Variants in ASAP1 observed in about 807,000 individuals in gnomAD.
ASAP1 encodes ArfGAP with SH3 domain, ankyrin repeat and PH domain 1.
In ASAP1, 43 loss-of-function variants were observed where a neutral mutation model predicts 145.2. The ratio of observed to expected loss-of-function variants is 0.30; its 90% CI spans 0.23 to 0.38. The LOEUF is 0.38. Among genes scored for constraint, ASAP1 ranks in the 10% least tolerant of loss-of-function variants. The pLI is 1.00. For missense variants in ASAP1, 1,018 were observed against 1,355.3 expected (o/e 0.75, Z 3.91); for synonymous variants, 546 against 515.5 (o/e 1.06, Z -0.80).
At chr8:130,131,410 T>C (rs2097582771) in intron 15 of ASAP1, among the ~76,000 whole-genome samples, 2 of 151,978 alleles carry the variant, frequency 1.3e-5, no homozygotes, top group Admixed American at 1.3e-4. Flanking sequence ...GCTTTCTTTG[T>C]GGACTGCCAT....
At chr8:130,095,672 G>A (rs1174112493) in intron 24 of ASAP1, among the ~76,000 whole-genome samples, 1 of 150,776 alleles carries the variant, frequency 6.6e-6, no homozygotes, top group East Asian at 1.9e-4. Flanking sequence ...AGGTTGGAGT[G>A]CAGTGGTGTA....
intron 5 of ASAP1, among the ~76,000 whole-genome samples, chr8:130,206,357 AAAG>A (rs1175412289): frequency 1.3e-5 from 2 of 152,182 alleles, no homozygotes; most frequent in African/African-American, 4.8e-5. Flanking sequence ...TTAACATTTC[AAAG>A]AAGAACTTGA....
chr8:130,256,778 TA>T, intron 3 of ASAP1, among the ~76,000 whole-genome samples: 1 of 129,776 alleles, frequency 7.7e-6, no homozygotes, highest in East Asian at 2.2e-4. Context: ...TATATATATA[TA>T]TATCCTTATA....
chr8:130,066,536 T>G (rs2097431062), intron 27 of ASAP1, among the ~76,000 whole-genome samples: 1 of 152,146 alleles, frequency 6.6e-6, no homozygotes, highest in South Asian at 2.1e-4. Flanking sequence ...TTTCTTCCTT[T>G]CCTTCCCTTT....
Position 130,187,387 on chromosome 8 carries a change from A to C in ASAP1, c.481-102T>G, listed in dbSNP as rs1408131262. The C allele has an allele frequency of 3.2e-6, 3 of 948,730 alleles. No individual in the cohort carries two copies. The Admixed American group carries it at 7.2e-5, about 23-fold the overall frequency. The allele number at this position is 948,730 out of a possible 1,614,324, so 58.8% of individuals were successfully genotyped here. On this transcript the variant is annotated intron_variant, in intron 6 of 29. Coordinates refer to ENST00000518721, the MANE Select transcript of ASAP1 (RefSeq NM_018482.4). ...TAGCAAGAATTGTTTCCTTTATAGG[A>C]CACTGGGAACTTCACTTTATGCACG...
intron 3 of ASAP1, among the ~76,000 whole-genome samples, chr8:130,245,721 C>G (rs1468202875): frequency 6.6e-6 from 1 of 152,162 alleles, no homozygotes; most frequent in Non-Finnish European, 1.5e-5. Flanking sequence ...AAATATCTGT[C>G]AAATAAATCT....
chr8:130,260,609 A>T (rs763316594), intron 3 of ASAP1, among the ~76,000 whole-genome samples: 3 of 152,118 alleles, frequency 2.0e-5, no homozygotes, highest in Non-Finnish European at 4.4e-5. Context: ...CTCTATTGAG[A>T]TGTAACTGGA....
intron 1 of ASAP1, among the ~76,000 whole-genome samples, chr8:130,434,766 T>C (rs1425912927): frequency 6.6e-6 from 1 of 152,136 alleles, no homozygotes; most frequent in Non-Finnish European, 1.5e-5. Flanking sequence ...AACGGCTCTC[T>C]GTGACGGCTC....
At position 130,153,354 on chromosome 8, in the gene ASAP1, TATATGTATATATATATATATATATATATA is replaced by T. The variant is rs1204771589; in HGVS notation, c.1011-578_1011-550del. On this transcript the variant is annotated intron_variant, in intron 12 of 29. Coordinates refer to ENST00000518721, the MANE Select transcript of ASAP1 (RefSeq NM_018482.4). Reference sequence around the variant, plus strand: ...TTAAATATATATATATATATATATATATATGTATATATATATATATATATATATATTTTGAGACAGGGTCTTGCTCTGAC... The same window carrying T: ...TTAAATATATATATATATATATATATTTTTGAGACAGGGTCTTGCTCTGAC... 2.5e-4 allele frequency among the ~76,000 whole-genome samples: 12 copies of T among 48,216 alleles called. 1 individual carries two copies. The East Asian group carries it at 0.016, about 64-fold the overall frequency. The allele number at this position is 48,216 out of a possible 152,430, so 31.6% of individuals were successfully genotyped here.
At chr8:130,378,567 T>G (rs1366048853) in intron 2 of ASAP1, among the ~76,000 whole-genome samples, 1 of 152,194 alleles carries the variant, frequency 6.6e-6, no homozygotes, top group Non-Finnish European at 1.5e-5. Flanking sequence ...GGATTGGAGC[T>G]GAGGTCAGAC....
At chr8:130,125,316 G>C (rs190873111) in intron 17 of ASAP1, among the ~76,000 whole-genome samples, 1 of 152,072 alleles carries the variant, frequency 6.6e-6, no homozygotes, top group Non-Finnish European at 1.5e-5. Flanking sequence ...GGTATATCTC[G>C]GGGAGCAATT....
chr8:130,335,232 T>C (rs1320961688), intron 3 of ASAP1, among the ~76,000 whole-genome samples: 1 of 152,220 alleles, frequency 6.6e-6, no homozygotes, highest in Non-Finnish European at 1.5e-5. Flanking sequence ...TTTATCACCA[T>C]GAGGATGACC....
chr8:130,282,532 A>G (rs996480768), intron 3 of ASAP1, among the ~76,000 whole-genome samples: 1 of 152,200 alleles, frequency 6.6e-6, no homozygotes, highest in Non-Finnish European at 1.5e-5. Flanking sequence ...ATTATTAATC[A>G]TGATGTGTGA....
intron 3 of ASAP1, among the ~76,000 whole-genome samples, chr8:130,266,053 A>T (rs999361550): frequency 6.6e-6 from 1 of 152,146 alleles, no homozygotes; most frequent in African/African-American, 2.4e-5. Context: ...ACACTCTTGC[A>T]GAGACAGCAA....
intron 9 of ASAP1, among the ~76,000 whole-genome samples, chr8:130,169,423 A>G (rs1176153635): frequency 1.3e-5 from 2 of 152,212 alleles, no homozygotes; most frequent in Admixed American, 1.3e-4. Context: ...TTGAATTTGA[A>G]GGAGAGAGAA....
chr8:130,265,560 GAAACCCTGTCTTTAAAAAAAAAAAAAAAA>G (rs1820190969), intron 3 of ASAP1, among the ~76,000 whole-genome samples: 1 of 143,558 alleles, frequency 7.0e-6, no homozygotes, highest in East Asian at 2.1e-4. Flanking sequence ...GTAACAGAGT[GAAACCCTGTCTTTAAAAAAAAAAAAAAAA>G]AAAGGTCAGG....
intron 1 of ASAP1, among the ~76,000 whole-genome samples, chr8:130,438,348 G>A (rs1287181717): frequency 2.6e-5 from 4 of 152,284 alleles, no homozygotes; most frequent in East Asian, 1.9e-4. Flanking sequence ...GGACTCAGAC[G>A]GATCTGTCCT....
At chr8:130,187,859 C>T (rs966673276) in intron 6 of ASAP1, among the ~76,000 whole-genome samples, 1 of 152,168 alleles carries the variant, frequency 6.6e-6, no homozygotes, top group Non-Finnish European at 1.5e-5. Context: ...AGCCAAGACT[C>T]GGGCTTAGCT....
chr8:130,430,587 C>A (rs1003021961), intron 1 of ASAP1, among the ~76,000 whole-genome samples: 22 of 152,122 alleles, frequency 1.4e-4, no homozygotes, highest in African/African-American at 5.3e-4. Flanking sequence ...GTGACCCAAT[C>A]TGAAGTTTTA....
Sources: allele counts gnomAD v4.1 joint callset (sites outside exome capture counted in the v4.1 genomes callset), GRCh38; gene constraint gnomAD v4.1.1; transcripts MANE v1.5; gene names NCBI Gene and HGNC (gene_info 2026-07-23, HGNC 2026-07-21).